SYNE2: variants seen among roughly 807,000 people sequenced by gnomAD.
SYNE2 encodes nesprin-2.
In SYNE2, 431 loss-of-function variants were observed where a neutral mutation model predicts 856.3. The observed-to-expected ratio is 0.50, with a 90% CI of 0.47 to 0.55. The LOEUF (loss-of-function observed/expected upper bound fraction) is 0.55. Ranked by LOEUF, SYNE2 falls within the 20% of genes least tolerant of loss-of-function variation. The pLI is 0.00. For missense variants in SYNE2, 8,129 were observed against 8,023.2 expected, an observed-to-expected ratio of 1.01 and a Z score of -0.50; for synonymous variants, 2,923 against 2,872.3, an observed-to-expected ratio of 1.02 and a Z score of -0.56.
intron 87 of SYNE2, among the ~76,000 whole-genome samples, chr14:64,161,475 T>C (rs540419549): frequency 4.7e-4 from 72 of 152,310 alleles, no homozygotes; most frequent in African/African-American, 1.6e-3. Context: ...TTATTTGATA[T>C]AAATACAAAG....
At position 64,126,666 on chromosome 14, in the gene SYNE2, C is replaced by G; in HGVS notation, c.13776C>G (p.Ala4592=). Residue 4592 remains alanine, a synonymous_variant, in exon 73 of 116, where the codon GCC becomes GCG. Transcript: ENST00000555002. ...ACAAGAAGGGTGATCTTTTGAAAGC[C>G]ATGACTTGGCCTGGCGAGAACACCA... The part of the protein sequence containing the change: ...LSDKKGDLLK[A]MTWPGENTNL... 1 of 1,614,204 alleles carries G rather than the reference C, an allele frequency of 6.2e-7. No individual in the cohort carries two copies. Among genetic ancestry groups the G allele is most frequent in the Non-Finnish European group, 8.5e-7 (1 of 1,180,042 alleles).
chr14:64,214,610 C>A, intron 106 of SYNE2, 140 bp downstream of exon 106: 1 of 777,730 alleles, frequency 1.3e-6, no homozygotes, highest in Non-Finnish European at 2.1e-6. Context: ...GTGCTCTATC[C>A]TGCCCATCTC....
chr14:64,001,014 T>G (rs1382863341), intron 28 of SYNE2, among the ~76,000 whole-genome samples: 2 of 152,202 alleles, frequency 1.3e-5, no homozygotes, highest in Non-Finnish European at 2.9e-5. Flanking sequence ...GGGCATGAAT[T>G]CGACCAAGTC....
At chr14:64,185,446 G>A (rs2153745106) in intron 96 of SYNE2, among the ~76,000 whole-genome samples, 1 of 149,484 alleles carries the variant, frequency 6.7e-6, no homozygotes, top group Admixed American at 6.6e-5. Flanking sequence ...TAAATCTCTT[G>A]AGTAAATCCT....
Position 63,949,871 on chromosome 14 carries a change from C to G in SYNE2, c.455C>G (p.Ser152Cys). ...QTLSCNYNQP[S>C]LDDVSVVDSS... ...CTTTCTTGCAATTACAATCAGCCTT[C>G]CCTGGATGATGTGAGTGTGGTTGAC... The change falls in exon 7 of 116, where the codon TCC becomes TGC. Residue 152 changes from serine to cysteine, a missense_variant. By Grantham distance (112) the Ser-to-Cys change is moderately radical. Around this residue, in one of 3 missense-constraint regions of SYNE2, gnomAD observed 2,422 missense variants for 2,357.4 expected, o/e 1.03. Transcript: ENST00000555002. 6.2e-7 allele frequency: 1 copy of G among 1,614,162 alleles called. No individual in the cohort carries two copies. The highest frequency in any genetic ancestry group is 8.5e-7 in the Non-Finnish European group (1 of 1,180,004).
At chr14:64,224,421 AAC>A in intron 113 of SYNE2, 38 bp from the exon 114 acceptor site, 1 of 1,586,548 alleles carries the variant, frequency 6.3e-7, no homozygotes, top group South Asian at 1.1e-5. Context: ...ATATGCATGA[AAC>A]ACATTTCTGT....
At chr14:63,897,999 A>G (rs2095280832) in intron 1 of SYNE2, among the ~76,000 whole-genome samples, 1 of 152,200 alleles carries the variant, frequency 6.6e-6, no homozygotes, top group African/African-American at 2.4e-5. Flanking sequence ...GAGATCCCAA[A>G]TTGGAACTTT....
intron 107 of SYNE2, chr14:64,215,963 C>T: frequency 7.4e-7 from 1 of 1,359,500 alleles, no homozygotes; most frequent in Middle Eastern, 2.8e-4. Flanking sequence ...CCCGGCCTTG[C>T]CACTCAGTGT....
At position 64,003,327 on chromosome 14, in the gene SYNE2, A is replaced by T. The variant is rs537177665; in HGVS notation, c.4394A>T (p.His1465Leu). 1 of 1,614,100 alleles carries T rather than the reference A, an allele frequency of 6.2e-7. No individual in the cohort carries two copies. Among genetic ancestry groups the T allele is most frequent in the Non-Finnish European group, 8.5e-7 (1 of 1,180,012 alleles). Reference sequence around the variant, plus strand: ...GATCCTACTGTTCCAGCTGTGAAACATCGGTAAGTATTGTCCATCCATTTC... The same window carrying T: ...GATCCTACTGTTCCAGCTGTGAAACTTCGGTAAGTATTGTCCATCCATTTC... ...LKDPTVPAVK[H>L]RKKSLIRLDK... is the part of the protein sequence containing the mutation. Residue 1465 changes from histidine to leucine, a missense_variant, in exon 30 of 116, where the codon CAT (histidine) becomes CTT (leucine). By Grantham distance (99) the His-to-Leu change is moderately conservative (BLOSUM62 -3). This residue lies in a region of SYNE2 where 2,422 missense variants were observed against 2,357.4 expected (regional missense o/e 1.03). Transcript: ENST00000555002.
intron 83 of SYNE2, among the ~76,000 whole-genome samples, 172 bp from the exon 84 acceptor site, chr14:64,145,896 A>G (rs2098181537): frequency 1.3e-5 from 2 of 152,228 alleles, no homozygotes; most frequent in African/African-American, 4.8e-5. Flanking sequence ...GAGGAGCTTT[A>G]ACTCTGTTTT....
At position 64,207,222 on chromosome 14, in the gene SYNE2, T is replaced by C. The variant is rs140246084; in HGVS notation, c.18202-1536T>C. On this transcript the variant is annotated intron_variant, in intron 100 of 115. Coordinates refer to ENST00000555002, the MANE Select transcript of SYNE2 (RefSeq NM_182914.3). Reference sequence around the variant, plus strand: ...ATTCAGTTGGCGGGTTAGCATTTTATTTTCTTATATCAACCTAAACACTCA... The same window carrying C: ...ATTCAGTTGGCGGGTTAGCATTTTACTTTCTTATATCAACCTAAACACTCA... Among the ~76,000 whole-genome samples, 14 of 152,356 alleles carry C rather than the reference T, an allele frequency of 9.2e-5. No homozygotes were observed. The East Asian group carries it at 2.7e-3, about 29-fold the overall frequency.
At chr14:63,955,217 T>C (rs1332244258) in intron 8 of SYNE2, among the ~76,000 whole-genome samples, 2 of 152,228 alleles carry the variant, frequency 1.3e-5, no homozygotes, top group Non-Finnish European at 2.9e-5. Flanking sequence ...TATTCTATTC[T>C]AAATCTCTTT....
intron 1 of SYNE2, among the ~76,000 whole-genome samples, chr14:63,847,585 ATTTTTT>A (rs1194475873): frequency 7.3e-6 from 1 of 137,594 alleles, no homozygotes; most frequent in Admixed American, 7.3e-5. Context: ...TATGTTCTGT[ATTTTTT>A]TTTTTTTTTT....
chr14:64,044,354 G>A (rs1038728690), intron 45 of SYNE2, among the ~76,000 whole-genome samples: 7 of 152,126 alleles, frequency 4.6e-5, no homozygotes, highest in African/African-American at 1.7e-4. Flanking sequence ...TCCAATACCT[G>A]TACCCCCATT....
intron 50 of SYNE2, 61 bp from the exon 51 acceptor site, chr14:64,065,371 G>A (rs1164498871): frequency 3.2e-5 from 45 of 1,412,114 alleles, no homozygotes; most frequent in Non-Finnish European, 4.4e-5. Context: ...AAAAGAGTTA[G>A]TAAGTTTCAG....
chr14:64,022,168 C>A (rs183594194), intron 37 of SYNE2, 140 bp downstream of exon 37: 84 of 812,342 alleles, frequency 1.0e-4, no homozygotes, highest in East Asian at 3.3e-4. Flanking sequence ...TCAGATAAAT[C>A]TTTTGGGAGC....
Position 64,153,364 on chromosome 14 carries a change from A to T in SYNE2, c.15792+648A>T, listed in dbSNP as rs140965584. Among the ~76,000 whole-genome samples the T allele has an allele frequency of 9.0e-4, 137 of 152,356 alleles. 1 individual carries two copies. Among genetic ancestry groups the T allele is most frequent in the Non-Finnish European group, 1.5e-3 (105 of 68,036 alleles). ...ACAACAGAGGAAGAGAACTAAAAAT[A>T]CTAACCAATTATACCAATCAATTGG... On this transcript the variant is annotated intron_variant, in intron 85 of 115. Coordinates refer to ENST00000555002, the MANE Select transcript of SYNE2 (RefSeq NM_182914.3).
chr14:64,208,767 C>T lies in SYNE2; in HGVS notation c.18211C>T (p.Arg6071Ter). ...KRLAEQQDLQ[R>*]DIEQHSAGVE... Reference sequence around the variant, plus strand: ...TCTGTTGTAATCACAGGATCTACAGCGAGATATTGAACAACACAGCGCAGG... The same window carrying T: ...TCTGTTGTAATCACAGGATCTACAGTGAGATATTGAACAACACAGCGCAGG... The change falls in exon 101 of 116, where the codon CGA becomes TGA. Residue 6071 changes from arginine (R) to a stop codon, truncating the protein, a stop_gained. Coordinates refer to ENST00000555002, the MANE Select transcript of SYNE2 (RefSeq NM_182914.3). LOFTEE classifies it high-confidence loss of function. The T allele has an allele frequency of 3.1e-6, 5 of 1,614,178 alleles. No individual in the cohort carries two copies. The highest frequency in any genetic ancestry group is 1.1e-5 in the South Asian group (1 of 91,076).
Position 63,853,919 on chromosome 14 carries a change from G to A in SYNE2, c.-52+776G>A, listed in dbSNP as rs980620412. 1.3e-4 allele frequency among the ~76,000 whole-genome samples: 20 copies of A among 152,140 alleles called. No individual in the cohort carries two copies. In the East Asian group the frequency reaches 3.7e-3, roughly 28 times the overall value. ...GGTTATTTTTCTTCTGTTGAAAAGGGCGGGGCGGGGGCTGTGTATGGAATC... is the reference window on the plus strand; with the variant it reads ...GGTTATTTTTCTTCTGTTGAAAAGGACGGGGCGGGGGCTGTGTATGGAATC... On this transcript the variant is annotated intron_variant, in intron 1 of 115. Transcript: ENST00000555002.
Sources: allele counts gnomAD v4.1 joint callset (sites outside exome capture counted in the v4.1 genomes callset), GRCh38; gene constraint gnomAD v4.1.1; regional missense constraint gnomAD v4.1.1; transcripts MANE v1.5; gene names NCBI Gene and HGNC (gene_info 2026-07-23, HGNC 2026-07-21).